The following CHP1 variants were observed in gnomAD, a reference collection of about 807,000 sequenced individuals.
CHP1 encodes calcineurin B homologous protein 1.
In CHP1, 11 loss-of-function variants were observed where a neutral mutation model predicts 27.4. That is an observed-to-expected ratio of 0.40 (90% CI 0.25 to 0.67). The LOEUF is 0.67. CHP1 is among the 30% of genes least tolerant of loss of function. The pLI, the probability that CHP1 is intolerant of heterozygous loss-of-function variation, is 0.38. For synonymous variants in CHP1, 89 were observed against 87.4 expected (o/e 1.02, Z -0.10); for missense variants, 169 against 251.3 (o/e 0.67, Z 2.22).
At chr15:41,272,789 C>T (rs1421424090) in intron 5 of CHP1, among the ~76,000 whole-genome samples, 1 of 152,050 alleles carries the variant, frequency 6.6e-6, no homozygotes, top group African/African-American at 2.4e-5. Context: ...TGGCTCATGC[C>T]TGTAATCCCA....
intron 2 of CHP1, among the ~76,000 whole-genome samples, chr15:41,246,553 C>T (rs970057979): frequency 2.0e-5 from 3 of 146,862 alleles, no homozygotes; most frequent in African/African-American, 7.5e-5. Flanking sequence ...CTCCTGACCT[C>T]GTGATCCACC....
At chr15:41,252,565 A>G (rs186230588) in intron 2 of CHP1, among the ~76,000 whole-genome samples, 6 of 152,230 alleles carry the variant, frequency 3.9e-5, no homozygotes, top group Admixed American at 6.5e-5. Flanking sequence ...TAAAGCAACA[A>G]CCTGTGGGTG....
chr15:41,242,559 C>T (rs575109709), intron 1 of CHP1, among the ~76,000 whole-genome samples: 1 of 151,886 alleles, frequency 6.6e-6, no homozygotes, highest in East Asian at 1.9e-4. Flanking sequence ...GTGGAGGTTA[C>T]AGTGAGCTGA....
intron 1 of CHP1, among the ~76,000 whole-genome samples, chr15:41,231,667 C>T (rs767205099): frequency 2.7e-4 from 41 of 151,998 alleles, no homozygotes; most frequent in Non-Finnish European, 5.7e-4. Flanking sequence ...CCTTCAAAAT[C>T]GGGACTCTTG....
intron 5 of CHP1, among the ~76,000 whole-genome samples, chr15:41,271,254 C>CAAAAAA (rs143070752): frequency 4.0e-5 from 3 of 75,714 alleles, no homozygotes; most frequent in African/African-American, 1.1e-4. Context: ...GATTCCGTCT[C>CAAAAAA]AAAAAAAAAA....
intron 1 of CHP1, among the ~76,000 whole-genome samples, chr15:41,233,020 C>A (rs2047260122): frequency 6.6e-6 from 1 of 152,192 alleles, no homozygotes; most frequent in African/African-American, 2.4e-5. Context: ...TCTCCACCTA[C>A]CAAGGCAGTC....
intron 3 of CHP1, among the ~76,000 whole-genome samples, chr15:41,260,680 C>A (rs2047428433): frequency 1.3e-5 from 2 of 152,166 alleles, no homozygotes; most frequent in South Asian, 4.2e-4. Flanking sequence ...TAGACGTGAG[C>A]CACTGTGCCT....
chr15:41,254,546 T>G (rs780985928), intron 2 of CHP1, among the ~76,000 whole-genome samples: 1 of 152,256 alleles, frequency 6.6e-6, no homozygotes, highest in Admixed American at 6.5e-5. Flanking sequence ...TAATTTTCTC[T>G]TTCATCATCT....
At chr15:41,260,394 C>CTT (rs34417644) in intron 3 of CHP1, among the ~76,000 whole-genome samples, 5 of 124,570 alleles carry the variant, frequency 4.0e-5, no homozygotes, top group Non-Finnish European at 5.0e-5. Context: ...TCTTTCAAAA[C>CTT]TTTTTTTTTT....
chr15:41,244,228 CAATT>C (rs887534854), intron 2 of CHP1, among the ~76,000 whole-genome samples: 6 of 151,002 alleles, frequency 4.0e-5, no homozygotes, highest in Admixed American at 6.6e-5. Flanking sequence ...GGAACTATGA[CAATT>C]AAATGCATTA....
chr15:41,247,626 C>G (rs1025073208), intron 2 of CHP1, among the ~76,000 whole-genome samples: 2 of 151,086 alleles, frequency 1.3e-5, no homozygotes, highest in African/African-American at 4.9e-5. Flanking sequence ...GAGCCGAGAT[C>G]GTGCCACTGC....
At chr15:41,236,056 T>C (rs1408634886) in intron 1 of CHP1, among the ~76,000 whole-genome samples, 1 of 150,924 alleles carries the variant, frequency 6.6e-6, no homozygotes, top group South Asian at 2.1e-4. Flanking sequence ...AGAGAGGGCA[T>C]TGTGGGAAAG....
intron 5 of CHP1, among the ~76,000 whole-genome samples, chr15:41,277,791 G>GCAA (rs2047526597): frequency 8.5e-6 from 1 of 117,940 alleles, no homozygotes; most frequent in African/African-American, 3.3e-5. Flanking sequence ...TCCGCCTCAG[G>GCAA]AAAAAAAAAA....
At chr15:41,248,332 C>G (rs1317644408) in intron 2 of CHP1, among the ~76,000 whole-genome samples, 2 of 151,890 alleles carry the variant, frequency 1.3e-5, no homozygotes, top group Non-Finnish European at 2.9e-5. Flanking sequence ...TTTCTTTTTA[C>G]TTTTAGCAAA....
rs767798761 is a variant in CHP1, at chr15:41,264,671, T to C, written c.349+1788T>C. On this transcript the variant is annotated intron_variant, in intron 4 of 6. Transcript: ENST00000334660. ...TGTTGCCCAGACTGGTCTCGAAATC[T>C]TGGACGCAAGCAGTCATCCCACCTT... is the stretch of plus-strand genomic sequence containing the variant. 4.9e-4 allele frequency among the ~76,000 whole-genome samples: 75 copies of C among 152,154 alleles called. 1 individual carries two copies. Among genetic ancestry groups the C allele is most frequent in the Non-Finnish European group, 1.2e-4 (8 of 68,018 alleles).
At chr15:41,264,865 T>G (rs552813337) in intron 4 of CHP1, among the ~76,000 whole-genome samples, 13 of 152,230 alleles carry the variant, frequency 8.5e-5, no homozygotes, top group Non-Finnish European at 1.6e-4. Flanking sequence ...ATTAGACCAG[T>G]AAAACCGAAG....
intron 1 of CHP1, among the ~76,000 whole-genome samples, chr15:41,242,462 A>G (rs552850903): frequency 2.7e-4 from 41 of 152,278 alleles, no homozygotes; most frequent in African/African-American, 9.1e-4. Flanking sequence ...CAATCAAAAC[A>G]TGCATTTTTT....
In CHP1 at chr15:41,231,281, C is replaced by T. The variant is rs2047237967; in HGVS notation, c.-102C>T. On this transcript the variant is annotated 5_prime_UTR_variant, in exon 1 of 7. Transcript: ENST00000334660. ...TCCCGGGTCCGCAGTGGAAACACTGCCCTCTCCCTTCTTGACCCCTAGCCC... is the reference window on the plus strand; with the variant it reads ...TCCCGGGTCCGCAGTGGAAACACTGTCCTCTCCCTTCTTGACCCCTAGCCC... 5 of 1,182,674 alleles carry T rather than the reference C, an allele frequency of 4.2e-6. No homozygotes were observed. Among genetic ancestry groups the T allele is most frequent in the South Asian group, 2.6e-5 (2 of 75,628 alleles). The allele number at this position is 1,182,674 out of a possible 1,614,324, so 73.3% of individuals were successfully genotyped here. A position where few individuals can be genotyped will look rare whatever the true frequency, so the allele number is the denominator to read the frequency against.
chr15:41,271,695 G>A (rs1279573731), intron 5 of CHP1, among the ~76,000 whole-genome samples: 1 of 152,160 alleles, frequency 6.6e-6, no homozygotes, highest in Non-Finnish European at 1.5e-5. Context: ...CCTACTAGCA[G>A]TGACTGGCAT....
Sources: gnomAD v4.1 joint callset for allele counts (sites outside exome capture counted in the v4.1 genomes callset) on GRCh38, gnomAD v4.1.1 for gene constraint, MANE v1.5 for transcripts, NCBI Gene and HGNC (gene_info 2026-07-23, HGNC 2026-07-21) for gene names.